The following SNX29 variants were observed in gnomAD, a reference collection of about 807,000 sequenced individuals.
SNX29 encodes sorting nexin-29.
In SNX29, 78 loss-of-function variants were observed where a neutral mutation model predicts 102.1. The ratio of observed to expected loss-of-function variants is 0.76; its 90% CI spans 0.64 to 0.92. The LOEUF is 0.92. Among genes scored for constraint, SNX29 ranks in the 40% least tolerant of loss-of-function variants. The pLI is 0.00. For missense variants in SNX29, 1,280 were observed against 1,061.7 expected, an observed-to-expected ratio of 1.21 and a Z score of -2.86; for synonymous variants, 580 against 414.5, an observed-to-expected ratio of 1.40 and a Z score of -4.85.
chr16:12,420,651 T>C (rs2084836201), intron 18 of SNX29, among the ~76,000 whole-genome samples: 1 of 152,180 alleles, frequency 6.6e-6, no homozygotes, highest in African/African-American at 2.4e-5. Flanking sequence ...ATCATAGCAC[T>C]GACCTCACAG....
chr16:12,149,335 A>G (rs2055200371), intron 13 of SNX29, among the ~76,000 whole-genome samples: 1 of 152,142 alleles, frequency 6.6e-6, no homozygotes. Context: ...GCCTGAACTT[A>G]CTCTGCTAGG....
intron 8 of SNX29, 176 bp downstream of exon 8, chr16:12,052,398 G>T (rs2050345664): frequency 6.7e-6 from 4 of 598,094 alleles, no homozygotes; most frequent in South Asian, 3.8e-5. Context: ...TGTATTTTTA[G>T]TAGAGATGGG....
intron 13 of SNX29, among the ~76,000 whole-genome samples, chr16:12,163,864 G>C (rs539234983): frequency 2.7e-4 from 41 of 152,312 alleles, no homozygotes; most frequent in African/African-American, 9.6e-4. Context: ...AGGATGAGCA[G>C]GTGTAGGTGA....
Position 12,572,359 on chromosome 16 carries a change from G to C in SNX29, c.*3730G>C. 1.9e-6 allele frequency: 2 copies of C among 1,063,082 alleles called. No homozygotes were observed. Among genetic ancestry groups the C allele is most frequent in the Non-Finnish European group, 2.3e-6 (2 of 877,832 alleles). The allele number at this position is 1,063,082 out of a possible 1,614,324, so 65.9% of individuals were successfully genotyped here. On this transcript the variant is annotated 3_prime_UTR_variant, in exon 21 of 21. Coordinates refer to ENST00000566228, the MANE Select transcript of SNX29 (RefSeq NM_032167.5). ...AGCCTGCCTGGTTGATGGACAGCAG[G>C]CTCTGCCTTCTGGAGGCGGCTTATA...
chr16:12,147,764 G>T (rs925038419), intron 13 of SNX29, among the ~76,000 whole-genome samples: 1 of 152,168 alleles, frequency 6.6e-6, no homozygotes, highest in Non-Finnish European at 1.5e-5. Context: ...TTTCCGGTAC[G>T]GTTCACAAGG....
At chr16:12,558,609 C>T (rs113236489) in intron 20 of SNX29, among the ~76,000 whole-genome samples, 1 of 152,158 alleles carries the variant, frequency 6.6e-6, no homozygotes, top group East Asian at 1.9e-4. Flanking sequence ...CACAGCTGCT[C>T]ACACAGTGCA....
chr16:12,489,535 C>A (rs1213930559), intron 19 of SNX29, among the ~76,000 whole-genome samples: 1 of 152,206 alleles, frequency 6.6e-6, no homozygotes, highest in Non-Finnish European at 1.5e-5. Flanking sequence ...CTTTGTGGCA[C>A]TCAGCTGTCA....
chr16:12,145,427 AT>A (rs907122156), intron 13 of SNX29, among the ~76,000 whole-genome samples: 3 of 151,982 alleles, frequency 2.0e-5, no homozygotes, highest in African/African-American at 7.2e-5. Flanking sequence ...TAAATACAAG[AT>A]TTTTTTTCCC....
At chr16:12,254,119 T>TG (rs1243521889) in intron 14 of SNX29, among the ~76,000 whole-genome samples, 1 of 151,964 alleles carries the variant, frequency 6.6e-6, no homozygotes, top group Non-Finnish European at 1.5e-5. Flanking sequence ...AGCAGGAGCT[T>TG]GGGTACAGGC....
intron 15 of SNX29, among the ~76,000 whole-genome samples, chr16:12,342,998 C>G (rs2081659767): frequency 6.6e-6 from 1 of 152,216 alleles, no homozygotes; most frequent in Non-Finnish European, 1.5e-5. Flanking sequence ...AAGAGACTCT[C>G]AAAGGAAAAC....
At chr16:12,269,837 C>CACCAT (rs2079038120) in intron 14 of SNX29, among the ~76,000 whole-genome samples, 1 of 129,202 alleles carries the variant, frequency 7.7e-6, no homozygotes, top group East Asian at 2.1e-4. Context: ...ATCATCATCA[C>CACCAT]CATCATCATC....
intron 19 of SNX29, among the ~76,000 whole-genome samples, chr16:12,507,503 T>G (rs1325656143): frequency 1.3e-5 from 2 of 152,198 alleles, no homozygotes; most frequent in Non-Finnish European, 2.9e-5. Flanking sequence ...ATGTTACTGT[T>G]TGGATGCTTG....
intron 18 of SNX29, among the ~76,000 whole-genome samples, chr16:12,437,937 A>G (rs749059045): frequency 6.6e-6 from 1 of 151,980 alleles, no homozygotes; most frequent in Non-Finnish European, 1.5e-5. Flanking sequence ...CCAGCGGTCC[A>G]TCTGCACTGC....
intron 15 of SNX29, among the ~76,000 whole-genome samples, chr16:12,340,879 C>T (rs1188168413): frequency 2.6e-5 from 4 of 152,296 alleles, no homozygotes; most frequent in African/African-American, 9.6e-5. Flanking sequence ...GAGTCTTTGC[C>T]TTCCATCCAC....
At position 12,084,236 on chromosome 16, in the gene SNX29, C is replaced by T. The variant is rs11643907; in HGVS notation, c.1402+5321C>T. Among the ~76,000 whole-genome samples the T allele has an allele frequency of 9.4e-4, 143 of 151,980 alleles. 2 individuals are homozygous for T. Among genetic ancestry groups the T allele is most frequent in the Non-Finnish European group, 1.7e-3 (113 of 67,970 alleles). ...TCTCGGGTCACTGAAACCTCCGCCT[C>T]CCGGATTCAGGCTATTCTCCTGCCT... On this transcript the variant is annotated intron_variant, in intron 11 of 20. Transcript: ENST00000566228.
rs184636638 is a variant in SNX29 at position 12,573,250 on chromosome 16, G to C, written c.*4621G>C. ...TCCCATGGTTGTTGAAATGTACCTC[G>C]ATCAGTCATCTCTGGTATTCCTCAC... On this transcript the variant is annotated 3_prime_UTR_variant, in exon 21 of 21. Coordinates refer to ENST00000566228, the MANE Select transcript of SNX29 (RefSeq NM_032167.5). 86 of 227,006 alleles carry C rather than the reference G, an allele frequency of 3.8e-4. No individual in the cohort carries two copies. The East Asian group carries it at 4.6e-3, about 12-fold the overall frequency. 14.1% of individuals were successfully genotyped at this position (227,006 alleles called of 1,614,324 possible).
intron 3 of SNX29, among the ~76,000 whole-genome samples, chr16:12,016,161 G>T (rs535789291): frequency 1.3e-5 from 2 of 152,086 alleles, no homozygotes; most frequent in Non-Finnish European, 2.9e-5. Context: ...CACTGCCCCC[G>T]CCCGGCTAAT....
intron 18 of SNX29, among the ~76,000 whole-genome samples, chr16:12,439,799 T>C (rs1429512508): frequency 6.6e-6 from 1 of 152,198 alleles, no homozygotes; most frequent in African/African-American, 2.4e-5. Flanking sequence ...GTTTCCCACT[T>C]TTCTGCTAGG....
chr16:12,365,993 G>C (rs1261592670), intron 16 of SNX29, among the ~76,000 whole-genome samples: 1 of 129,890 alleles, frequency 7.7e-6, no homozygotes, highest in Non-Finnish European at 1.6e-5. Context: ...AGTGAGCAGA[G>C]ATCGTGCCAC....
Sources: gnomAD v4.1 joint callset for allele counts (sites outside exome capture counted in the v4.1 genomes callset) on GRCh38, gnomAD v4.1.1 for gene constraint, MANE v1.5 for transcripts, NCBI Gene and HGNC (gene_info 2026-07-23, HGNC 2026-07-21) for gene names.